The following RIMS2 variants were observed in gnomAD, a reference collection of about 807,000 sequenced individuals.
The protein encoded by RIMS2 is regulating synaptic membrane exocytosis 2, also known as regulating synaptic membrane exocytosis protein 2.
In RIMS2, 59 loss-of-function variants were observed where a neutral mutation model predicts 174.4. The ratio of observed to expected loss-of-function variants is 0.34; its 90% confidence interval spans 0.27 to 0.42. The LOEUF (loss-of-function observed/expected upper bound fraction) is 0.42, where lower values mean the gene tolerates loss of function less well. Ranked by LOEUF, RIMS2 falls within the 10% of genes least tolerant of loss-of-function variation. The probability of loss-of-function intolerance (pLI) is 1.00; values close to 1 mark genes in which losing one functional copy is unlikely to be tolerated. For missense variants in RIMS2, 1,620 were observed against 1,666.3 expected, an observed-to-expected ratio of 0.97 and a Z score of 0.48; for synonymous variants, 606 against 572.5, an observed-to-expected ratio of 1.06 and a Z score of -0.84.
chr8:103,751,110 G>A (rs1239660253), intron 2 of RIMS2, among the ~76,000 whole-genome samples: 1 of 152,118 alleles, frequency 6.6e-6, no homozygotes, highest in African/African-American at 2.4e-5. Flanking sequence ...GGCCTCCCCA[G>A]CCACATGGAA....
chr8:103,719,269 A>G (rs1442902364), intron 2 of RIMS2, among the ~76,000 whole-genome samples: 1 of 152,206 alleles, frequency 6.6e-6, no homozygotes, highest in African/African-American at 2.4e-5. Context: ...ACTTTTCCCA[A>G]TGTGAGAAAA....
chr8:104,080,578 T>A (rs2097397954), intron 19 of RIMS2, among the ~76,000 whole-genome samples: 1 of 152,024 alleles, frequency 6.6e-6, no homozygotes, highest in Non-Finnish European at 1.5e-5. Flanking sequence ...GATAATTAAG[T>A]TTGAATTGAC....
intron 19 of RIMS2, among the ~76,000 whole-genome samples, chr8:104,204,203 C>T (rs1326157895): frequency 6.6e-6 from 1 of 152,126 alleles, no homozygotes; most frequent in Non-Finnish European, 1.5e-5. Context: ...ATATGGTGTA[C>T]AGTATTCTAC....
chr8:103,827,245 T>C (rs1388613904), intron 3 of RIMS2, among the ~76,000 whole-genome samples: 1 of 152,188 alleles, frequency 6.6e-6, no homozygotes, highest in East Asian at 1.9e-4. Context: ...ATGGAATTCT[T>C]TTAAAAACTT....
intron 3 of RIMS2, among the ~76,000 whole-genome samples, chr8:103,840,707 A>T (rs1214074695): frequency 1.3e-5 from 2 of 152,034 alleles, no homozygotes; most frequent in African/African-American, 4.8e-5. Context: ...ATATACCTAT[A>T]TACTATAATT....
intron 19 of RIMS2, among the ~76,000 whole-genome samples, 179 bp downstream of exon 25, chr8:104,149,027 A>G (rs878932720): frequency 6.6e-6 from 1 of 152,200 alleles, no homozygotes; most frequent in African/African-American, 2.4e-5. Context: ...CCAGTGATCA[A>G]TGAGCCTGCT....
At chr8:103,696,978 C>T (rs537159261) in intron 1 of RIMS2, 108 bp from the exon 4 acceptor site, 4 of 582,802 alleles carry the variant, frequency 6.9e-6, no homozygotes, top group East Asian at 6.2e-5. Flanking sequence ...TCTTTTTATT[C>T]TCATCTTGTA....
intron 2 of RIMS2, among the ~76,000 whole-genome samples, chr8:103,753,266 C>T (rs141862139): frequency 0.23 from 34,901 of 151,974 alleles, 4,297 homozygotes; most frequent in Non-Finnish European, 0.25. Flanking sequence ...GAACCAGCCT[C>T]GCATCCCAGG....
chr8:103,955,301 A>G (rs532634322), intron 14 of RIMS2, among the ~76,000 whole-genome samples: 4 of 152,202 alleles, frequency 2.6e-5, no homozygotes, highest in Non-Finnish European at 5.9e-5. Flanking sequence ...CAACAAAAAA[A>G]GACAATTTCA....
chr8:103,542,453 A>T (rs572724333), intron 1 of RIMS2, among the ~76,000 whole-genome samples: 1 of 152,232 alleles, frequency 6.6e-6, no homozygotes, highest in Non-Finnish European at 1.5e-5. Context: ...TCTCAAAAAT[A>T]AATGAAGAGG....
At chr8:104,231,396 GTAATTCTATGAAACTAAGTC>G (rs1441418292) in intron 19 of RIMS2, among the ~76,000 whole-genome samples, 2 of 151,954 alleles carry the variant, frequency 1.3e-5, no homozygotes, top group Non-Finnish European at 1.5e-5. Flanking sequence ...CCCAAGGCTA[GTAATTCTATGAAACTAAGTC>G]TTCTTGCTCT....
At chr8:104,051,649 A>T (rs577494335) in intron 19 of RIMS2, among the ~76,000 whole-genome samples, 46 of 152,304 alleles carry the variant, frequency 3.0e-4, no homozygotes, top group African/African-American at 1.1e-3. Flanking sequence ...AGAATGAAAT[A>T]AAATTTGACT....
Position 103,989,467 on chromosome 8 carries a change from C to A in RIMS2, c.3044+46C>A, listed in dbSNP as rs750944464. On this transcript the variant is annotated intron_variant, in intron 17 of 23. Transcript: ENST00000504942. ...TTAGACCTTATTATTAATATAATCA[C>A]TGCTTTCAGGAAGGGGTTACCATAA... 5 of 994,394 alleles carry A rather than the reference C, an allele frequency of 5.0e-6. No individual in the cohort carries two copies. The African/African-American group carries it at 6.4e-5, about 13-fold the overall frequency. 61.6% of individuals were successfully genotyped at this position (994,394 alleles called of 1,614,324 possible).
chr8:103,505,500 T>C (rs1341236658), intron 1 of RIMS2, among the ~76,000 whole-genome samples: 4 of 152,178 alleles, frequency 2.6e-5, no homozygotes, highest in Non-Finnish European at 4.4e-5. Flanking sequence ...TGTGGGTATT[T>C]AAGTTTTTTT....
At chr8:104,211,516 G>C (rs1405874655) in intron 19 of RIMS2, among the ~76,000 whole-genome samples, 1 of 151,986 alleles carries the variant, frequency 6.6e-6, no homozygotes, top group Non-Finnish European at 1.5e-5. Flanking sequence ...TGATTGCAGA[G>C]ATAAGACATT....
Position 103,823,407 on chromosome 8 carries a change from G to A in RIMS2, c.698+56870G>A, listed in dbSNP as rs916170160. ...CCCAGTTTATGCCTGCAGTCATCCA[G>A]TGATTATTATTAGTACTATTCTCTC... On this transcript the variant is annotated intron_variant, in intron 3 of 23. Transcript: ENST00000504942. Among the ~76,000 whole-genome samples, 4 of 151,922 alleles carry A rather than the reference G, an allele frequency of 2.6e-5. No individual in the cohort carries two copies. The South Asian group carries it at 8.3e-4, about 31-fold the overall frequency.
At chr8:103,681,949 G>A (rs73289977) in intron 1 of RIMS2, among the ~76,000 whole-genome samples, 3 of 152,104 alleles carry the variant, frequency 2.0e-5, no homozygotes, top group African/African-American at 7.2e-5. Context: ...AGCACATGTA[G>A]GATGTAAAAT....
In RIMS2 at chr8:103,782,114, C is replaced by CTT. The variant is rs199550397; in HGVS notation, c.698+15588_698+15589dup. ...CTCAATTTCGCTCAGTTTCTGTTTT[C>CTT]TTTTTTTTTTTTCTCTAACACGGTT... On this transcript the variant is annotated intron_variant, in intron 3 of 23. Transcript: ENST00000504942. Among the ~76,000 whole-genome samples, 884 of 142,226 alleles carry CTT rather than the reference C, an allele frequency of 6.2e-3. 11 individuals carry two copies. The highest frequency in any genetic ancestry group is 0.021 in the African/African-American group (823 of 38,978). The allele number at this position is 142,226 out of a possible 152,430, so 93.3% of individuals were successfully genotyped here.
chr8:104,068,493 G>T lies in RIMS2; in HGVS notation c.3334+53878G>T, dbSNP rs2097141669. 4 of 1,151,752 alleles carry T rather than the reference G, an allele frequency of 3.5e-6. No individual in the cohort carries two copies. The highest frequency in any genetic ancestry group is 1.3e-6 in the Non-Finnish European group (1 of 799,394). 71.3% of individuals were successfully genotyped at this position (1,151,752 alleles called of 1,614,324 possible). On this transcript the variant is annotated intron_variant, in intron 19 of 23. Coordinates refer to ENST00000504942, the Ensembl canonical transcript of RIMS2. ...TAAGAACTGAACATTAATTTTATGGGTTTTTTTCTACTCGATAGGTACTAT... is the reference window on the plus strand; with the variant it reads ...TAAGAACTGAACATTAATTTTATGGTTTTTTTTCTACTCGATAGGTACTAT...
Sources: allele counts gnomAD v4.1 joint callset (sites outside exome capture counted in the v4.1 genomes callset), GRCh38; gene constraint gnomAD v4.1.1; transcripts MANE v1.5; gene names NCBI Gene and HGNC (gene_info 2026-07-23, HGNC 2026-07-21).